The following SGMS1 variants were observed in gnomAD, a reference collection of about 807,000 sequenced individuals.
SGMS1 encodes sphingomyelin synthase 1, also known as phosphatidylcholine:ceramide cholinephosphotransferase 1.
In SGMS1, 13 loss-of-function variants were observed where a neutral mutation model predicts 46.2. The observed-to-expected ratio is 0.28, with a 90% CI of 0.18 to 0.45. The LOEUF (loss-of-function observed/expected upper bound fraction) is 0.45. SGMS1 is among the 20% of genes least tolerant of loss of function. The pLI is 1.00. For missense variants in SGMS1, 324 were observed against 519.9 expected (o/e 0.62, Z 3.66); for synonymous variants, 203 against 187.8 (o/e 1.08, Z -0.66).
In SGMS1 at chr10:50,323,059, A is replaced by G. The variant is rs371067215; in HGVS notation, c.741+4146T>C. The stretch of plus-strand genomic sequence containing the variant: ...ACTTCCCTTTTCACTTCCTTTTCCC[A>G]GTGGCTTATTATTGCTGCAGAAACA... On this transcript the variant is annotated intron_variant, in intron 8 of 10. Transcript: ENST00000361781. Among the ~76,000 whole-genome samples, 19 of 152,244 alleles carry G rather than the reference A, an allele frequency of 1.2e-4. No individual in the cohort carries two copies. In the East Asian group the frequency reaches 3.3e-3, roughly 26 times the overall value.
intron 6 of SGMS1, among the ~76,000 whole-genome samples, chr10:50,389,856 T>C (rs1848739932): frequency 6.6e-6 from 1 of 152,246 alleles, no homozygotes; most frequent in Non-Finnish European, 1.5e-5. Context: ...AATTTAGGAA[T>C]CATTTTGCCT....
At chr10:50,310,881 T>C (rs778688678) in intron 9 of SGMS1, among the ~76,000 whole-genome samples, 1 of 152,122 alleles carries the variant, frequency 6.6e-6, no homozygotes, top group Non-Finnish European at 1.5e-5. Context: ...GCTGAAAAAA[T>C]AGTTGCTGCA....
chr10:50,599,207 C>CA (rs1434250573), intron 1 of SGMS1, among the ~76,000 whole-genome samples: 1 of 148,376 alleles, frequency 6.7e-6, no homozygotes, highest in Non-Finnish European at 1.5e-5. Flanking sequence ...AGAGTGACTG[C>CA]AAAAAAACAG....
At chr10:50,361,684 A>G (rs1848251671) in intron 6 of SGMS1, among the ~76,000 whole-genome samples, 1 of 152,032 alleles carries the variant, frequency 6.6e-6, no homozygotes. Context: ...CCTTTTCCCT[A>G]TTCCCATTTG....
At chr10:50,408,876 A>G (rs1420823404) in intron 6 of SGMS1, among the ~76,000 whole-genome samples, 2 of 152,122 alleles carry the variant, frequency 1.3e-5, no homozygotes, top group African/African-American at 4.8e-5. Flanking sequence ...CTCTATCTCA[A>G]AACAAAACAA....
At chr10:50,520,947 A>G (rs1837852318) in intron 2 of SGMS1, among the ~76,000 whole-genome samples, 1 of 151,078 alleles carries the variant, frequency 6.6e-6, no homozygotes, top group Admixed American at 6.6e-5. Context: ...GTGCAGTGGC[A>G]TAATCATGGC....
intron 2 of SGMS1, among the ~76,000 whole-genome samples, chr10:50,535,278 T>G (rs372704789): frequency 6.6e-6 from 1 of 152,156 alleles, no homozygotes; most frequent in Non-Finnish European, 1.5e-5. Flanking sequence ...TCTAGTCTTT[T>G]TAATTGTACC....
chr10:50,545,157 T>A (rs1838089826), intron 2 of SGMS1, among the ~76,000 whole-genome samples: 1 of 152,140 alleles, frequency 6.6e-6, no homozygotes, highest in African/African-American at 2.4e-5. Flanking sequence ...GGGGAAGCTT[T>A]ATAATATGAA....
chr10:50,587,633 ATGTGTGTGTGTGTGTGTGTGTG>A (rs35240090), intron 2 of SGMS1, among the ~76,000 whole-genome samples: 1 of 138,172 alleles, frequency 7.2e-6, no homozygotes, highest in African/African-American at 2.8e-5. Context: ...CAAAATATAT[ATGTGTGTGTGTGTGTGTGTGTG>A]TGTGTGTGTG....
intron 6 of SGMS1, among the ~76,000 whole-genome samples, chr10:50,357,131 G>A (rs946378633): frequency 4.6e-5 from 7 of 150,600 alleles, no homozygotes; most frequent in Admixed American, 3.3e-4. Flanking sequence ...TAAGCTTACC[G>A]GGATTTTATA....
intron 4 of SGMS1, among the ~76,000 whole-genome samples, chr10:50,462,126 G>A (rs985368459): frequency 6.6e-6 from 1 of 152,124 alleles, no homozygotes; most frequent in African/African-American, 2.4e-5. Flanking sequence ...ACAATGCACA[G>A]TGGTGTGTGC....
chr10:50,446,597 G>GT (rs1301939422), intron 5 of SGMS1, among the ~76,000 whole-genome samples: 2 of 152,216 alleles, frequency 1.3e-5, no homozygotes, highest in African/African-American at 2.4e-5. Context: ...GATACATGCA[G>GT]TAAGAGTATG....
At chr10:50,427,129 T>C (rs1849336413) in intron 6 of SGMS1, among the ~76,000 whole-genome samples, 1 of 152,192 alleles carries the variant, frequency 6.6e-6, no homozygotes, top group Non-Finnish European at 1.5e-5. Context: ...CCGGGCACAG[T>C]GGCTCATGCC....
intron 5 of SGMS1, among the ~76,000 whole-genome samples, chr10:50,450,041 T>C (rs1353000557): frequency 6.6e-6 from 1 of 152,216 alleles, no homozygotes. Context: ...ACTTAGTTAA[T>C]ATTATCTTTA....
chr10:50,410,793 G>C (rs1046190141), intron 6 of SGMS1, among the ~76,000 whole-genome samples: 4 of 152,120 alleles, frequency 2.6e-5, no homozygotes, highest in African/African-American at 9.7e-5. Flanking sequence ...TAGGGGTAAG[G>C]CACCTTCTCT....
intron 6 of SGMS1, among the ~76,000 whole-genome samples, chr10:50,405,528 T>C (rs1849000894): frequency 6.6e-6 from 1 of 152,264 alleles, no homozygotes; most frequent in East Asian, 1.9e-4. Flanking sequence ...CAGTTTACAG[T>C]TGTAGAATGT....
chr10:50,442,694 G>T (rs138493993), intron 5 of SGMS1, among the ~76,000 whole-genome samples: 1 of 152,200 alleles, frequency 6.6e-6, no homozygotes, highest in East Asian at 1.9e-4. Context: ...ATTCCTTTGG[G>T]TATATACCCA....
intron 6 of SGMS1, among the ~76,000 whole-genome samples, chr10:50,421,098 T>C (rs1849249294): frequency 6.6e-6 from 1 of 152,178 alleles, no homozygotes; most frequent in African/African-American, 2.4e-5. Flanking sequence ...TAGGATGCCT[T>C]TGTTGTCTAA....
chr10:50,418,568 GC>G (rs1266039921), intron 6 of SGMS1: 1 of 152,222 alleles, frequency 6.6e-6, no homozygotes, highest in Non-Finnish European at 1.5e-5. Context: ...AAGCTTAGAA[GC>G]CTTTCACAGC....
Sources: allele counts gnomAD v4.1 joint callset (sites outside exome capture counted in the v4.1 genomes callset), GRCh38; gene constraint gnomAD v4.1.1; transcripts MANE v1.5; gene names NCBI Gene and HGNC (gene_info 2026-07-23, HGNC 2026-07-21).